The following COL12A1 variants were observed in gnomAD, a reference collection of about 807,000 sequenced individuals.
COL12A1 encodes the protein collagen alpha-1(XII) chain.
COL12A1 carries 114 observed loss-of-function variants against 349.7 expected under a neutral mutation model. That is an observed-to-expected ratio of 0.33 (90% CI 0.28 to 0.38). The LOEUF (loss-of-function observed/expected upper bound fraction) is 0.38. Ranked by LOEUF, COL12A1 falls within the 10% of genes least tolerant of loss-of-function variation. COL12A1 has a pLI of 1.00. For missense variants in COL12A1, 3,284 were observed against 3,756.9 expected, an observed-to-expected ratio of 0.87 and a Z score of 3.29; for synonymous variants, 1,369 against 1,329.0, an observed-to-expected ratio of 1.03 and a Z score of -0.66.
chr6:75,165,497 T>C lies in COL12A1; in HGVS notation c.2983+10A>G, dbSNP rs758966930. ...GGCACACACCCAAACACACCCATAA[T>C]GTTACCTACATTCAGTTGTGGCATC... On this transcript the variant is annotated intron_variant, in intron 14 of 65. Coordinates refer to ENST00000322507, the MANE Select transcript of COL12A1 (RefSeq NM_004370.6). The C allele has an allele frequency of 1.9e-6, 3 of 1,612,128 alleles. No homozygotes were observed. The highest frequency in any genetic ancestry group is 1.7e-6 in the Non-Finnish European group (2 of 1,179,506).
Position 75,172,857 on chromosome 6 carries a change from G to A in COL12A1, c.2710+2181C>T, listed in dbSNP as rs150966729. The stretch of plus-strand genomic sequence containing the variant: ...CAACAAAACGCAGACGAAAAATACA[G>A]TATTCACAGGATGCGAAAGCCACCT... On this transcript the variant is annotated intron_variant, in intron 13 of 65. Transcript: ENST00000322507. 1.7e-3 allele frequency among the ~76,000 whole-genome samples: 262 copies of A among 152,266 alleles called. 1 individual carries two copies. Among genetic ancestry groups the A allele is most frequent in the South Asian group, 3.5e-3 (17 of 4,820 alleles).
intron 14 of COL12A1, among the ~76,000 whole-genome samples, chr6:75,160,058 G>GA (rs768604090): frequency 3.6e-3 from 486 of 136,468 alleles, no homozygotes; most frequent in Middle Eastern, 0.023. Flanking sequence ...ATTTTAGGGA[G>GA]AAAAAAAAAA....
intron 27 of COL12A1, among the ~76,000 whole-genome samples, chr6:75,141,724 C>T (rs572858521): frequency 1.3e-5 from 2 of 152,222 alleles, no homozygotes; most frequent in East Asian, 1.9e-4. Context: ...GTGCAACATA[C>T]GTCAAGAAAA....
chr6:75,184,511 T>C (rs1376552460), intron 8 of COL12A1, among the ~76,000 whole-genome samples: 4 of 152,370 alleles, frequency 2.6e-5, no homozygotes, highest in East Asian at 3.9e-4. Context: ...ATTTGTTAAA[T>C]CAATGCTTCA....
chr6:75,133,983 C>G lies in COL12A1; in HGVS notation c.5539G>C (p.Val1847Leu). The G allele has an allele frequency of 1.2e-6, 2 of 1,613,672 alleles. No homozygotes were observed. Among genetic ancestry groups the G allele is most frequent in the Non-Finnish European group, 1.7e-6 (2 of 1,179,810 alleles). Residue 1847 changes from valine to leucine, a missense_variant, in exon 33 of 66, where the codon GTA (valine) becomes CTA (leucine). Physicochemically the swap from Val to Leu is conservative, Grantham distance 32. Coordinates refer to ENST00000322507, the MANE Select transcript of COL12A1 (RefSeq NM_004370.6). ...GGGTCATACACTCTCAGGTTCCTTA[C>G]AGTGTTTAGAGGTTCTGAAATGCAC... ...GRGKTKPLNT[V>L]RNLRVYDPST...
At chr6:75,145,646 T>C (rs1343229440) in intron 24 of COL12A1, among the ~76,000 whole-genome samples, 191 bp from the exon 25 acceptor site, 1 of 151,474 alleles carries the variant, frequency 6.6e-6, no homozygotes, top group Non-Finnish European at 1.5e-5. Flanking sequence ...TTTGTTTTGT[T>C]TTTGAGACAG....
intron 25 of COL12A1, among the ~76,000 whole-genome samples, chr6:75,143,667 C>A (rs1767029606): frequency 6.6e-6 from 1 of 152,156 alleles, no homozygotes; most frequent in African/African-American, 2.4e-5. Context: ...TTTAAATAAT[C>A]TCTTGCTGCT....
chr6:75,133,237 T>C, intron 34 of COL12A1, 56 bp downstream of exon 34: 1 of 1,471,664 alleles, frequency 6.8e-7, no homozygotes, highest in East Asian at 2.4e-5. Flanking sequence ...TTATGGTCTT[T>C]ATAATGAAAA....
intron 27 of COL12A1, among the ~76,000 whole-genome samples, chr6:75,141,097 T>G (rs1766870928): frequency 2.6e-5 from 4 of 152,196 alleles, no homozygotes; most frequent in Admixed American, 6.5e-5. Flanking sequence ...ATTAATTTCA[T>G]CCATCTATTT....
intron 3 of COL12A1, among the ~76,000 whole-genome samples, chr6:75,193,937 T>C (rs779859195): frequency 1.2e-4 from 19 of 152,218 alleles, no homozygotes; most frequent in Non-Finnish European, 2.5e-4. Flanking sequence ...TAGTATTCCA[T>C]GGCATATATG....
chr6:75,102,185 G>C (rs1768335462), intron 56 of COL12A1, 133 bp from the exon 57 acceptor site: 1 of 822,580 alleles, frequency 1.2e-6, no homozygotes, highest in Admixed American at 2.6e-5. Flanking sequence ...GCACAGAAGG[G>C]TATTTTTGAA....
chr6:75,105,106 T>C (rs1768482822), intron 54 of COL12A1, 100 bp downstream of exon 54: 1 of 951,414 alleles, frequency 1.1e-6, no homozygotes, highest in Non-Finnish European at 1.6e-6. Flanking sequence ...CTAGAAAACC[T>C]GGATGAATTG....
intron 58 of COL12A1, among the ~76,000 whole-genome samples, chr6:75,100,009 A>G (rs1019979669): frequency 3.3e-5 from 5 of 152,118 alleles, no homozygotes; most frequent in Admixed American, 6.6e-5. Context: ...TTGATACCCC[A>G]CCAGCTATGC....
Position 75,183,740 on chromosome 6 carries a change from T to TAAA in COL12A1, c.1289-89_1289-88insTTT, listed in dbSNP as rs200264422. The TAAA allele has an allele frequency of 4.8e-5, 68 of 1,417,236 alleles. No individual in the cohort carries two copies. The African/African-American group carries it at 1.3e-3, about 26-fold the overall frequency. The allele number at this position is 1,417,236 out of a possible 1,614,324, so 87.8% of individuals were successfully genotyped here. On this transcript the variant is annotated intron_variant, in intron 9 of 65. Transcript: ENST00000322507. ...TAGCTTTCTTAGTAAGCGTGCTTCTTTAAAAAAAAAACTATTGCAAATATT... is the reference window on the plus strand; with the variant it reads ...TAGCTTTCTTAGTAAGCGTGCTTCTTAAATAAAAAAAAAACTATTGCAAATATT...
Position 75,183,735 on chromosome 6 carries a change from C to T in COL12A1, c.1289-83G>A. On this transcript the variant is annotated intron_variant, in intron 9 of 65. Transcript: ENST00000322507. ...ATATCTAGCTTTCTTAGTAAGCGTG[C>T]TTCTTTAAAAAAAAAACTATTGCAA... is the stretch of plus-strand genomic sequence containing the variant. The T allele has an allele frequency of 2.8e-6, 4 of 1,412,902 alleles. No individual in the cohort carries two copies. In the South Asian group the frequency reaches 5.4e-5, roughly 19 times the overall value. 87.5% of individuals were successfully genotyped at this position (1,412,902 alleles called of 1,614,324 possible). A position where few individuals can be genotyped will look rare whatever the true frequency, so the allele number is the denominator to read the frequency against.
At position 75,152,007 on chromosome 6, in the gene COL12A1, T is replaced by C. The variant is rs1420726961; in HGVS notation, c.3860A>G (p.Gln1287Arg). 6.2e-7 allele frequency: 1 copy of C among 1,613,878 alleles called. No homozygotes were observed. ...LTGMALNFIR[Q>R]QNFRTQAGMR... ...GCCAGCTTGGGTCCTGAAGTTCTGTTGGCGAATGAAATTCAAAGCCATGCC... is the reference window on the plus strand; with the variant it reads ...GCCAGCTTGGGTCCTGAAGTTCTGTCGGCGAATGAAATTCAAAGCCATGCC... Residue 1287 changes from glutamine (Q) to arginine (R), a missense_variant, in exon 20 of 66, where the codon CAA becomes CGA. By Grantham distance (43) the Gln-to-Arg change is conservative. Coordinates refer to ENST00000322507, the MANE Select transcript of COL12A1 (RefSeq NM_004370.6).
chr6:75,100,728 T>G (rs1485964996), intron 58 of COL12A1, among the ~76,000 whole-genome samples: 1 of 152,186 alleles, frequency 6.6e-6, no homozygotes, highest in Non-Finnish European at 1.5e-5. Flanking sequence ...AATGGTGTCT[T>G]GGAGGTGTTA....
intron 8 of COL12A1, among the ~76,000 whole-genome samples, chr6:75,185,337 A>C (rs1374169256): frequency 2.0e-5 from 3 of 152,202 alleles, no homozygotes; most frequent in Admixed American, 2.0e-4. Context: ...AGTCAAGCTG[A>C]GAGCTAAATC....
intron 11 of COL12A1, among the ~76,000 whole-genome samples, chr6:75,179,393 G>C (rs1449309395): frequency 6.6e-6 from 1 of 152,134 alleles, no homozygotes; most frequent in Non-Finnish European, 1.5e-5. Context: ...TCGAGCAGCA[G>C]TGTGGGCATT....
Sources: allele counts gnomAD v4.1 joint callset (sites outside exome capture counted in the v4.1 genomes callset), GRCh38; gene constraint gnomAD v4.1.1; transcripts MANE v1.5; gene names NCBI Gene and HGNC (gene_info 2026-07-23, HGNC 2026-07-21).